Variants in HPSE2 observed in about 807,000 individuals in gnomAD.
HPSE2 encodes heparanase 2 (inactive), also known as inactive heparanase-2.
A neutral mutation model predicts 60.5 loss-of-function variants in HPSE2; 38 were observed. That is an observed-to-expected ratio of 0.63 (90% confidence interval 0.48 to 0.82). The LOEUF (loss-of-function observed/expected upper bound fraction) is 0.82, where lower values mean the gene tolerates loss of function less well. Ranked by LOEUF, HPSE2 falls within the 40% of genes least tolerant of loss-of-function variation. The pLI is 0.00. For synonymous variants in HPSE2, 295 were observed against 293.2 expected (o/e 1.01, Z -0.06); for missense variants, 713 against 740.4 (o/e 0.96, Z 0.43).
chr10:98,906,943 A>T (rs1487313703), intron 3 of HPSE2, among the ~76,000 whole-genome samples: 1 of 152,158 alleles, frequency 6.6e-6, no homozygotes, highest in Non-Finnish European at 1.5e-5. Context: ...CCAACTTAGT[A>T]ATGAAGGGCA....
chr10:98,964,702 T>A (rs1955770174), intron 3 of HPSE2, among the ~76,000 whole-genome samples: 1 of 152,184 alleles, frequency 6.6e-6, no homozygotes, highest in African/African-American at 2.4e-5. Flanking sequence ...TTGATACCTC[T>A]TTTATAGTCA....
intron 5 of HPSE2, among the ~76,000 whole-genome samples, chr10:98,699,317 G>C (rs1430642078): frequency 6.6e-6 from 1 of 150,628 alleles, no homozygotes. Flanking sequence ...TTCATCCCTG[G>C]GATGCAAGGC....
intron 3 of HPSE2, among the ~76,000 whole-genome samples, chr10:99,081,581 A>AGATGATGATGATGATGAT (rs34159388): frequency 6.8e-6 from 1 of 147,306 alleles, no homozygotes; most frequent in Non-Finnish European, 1.5e-5. Flanking sequence ...CTACTACTAA[A>AGATGATGATGATGATGAT]GATGATGATG....
intron 2 of HPSE2, among the ~76,000 whole-genome samples, chr10:99,215,134 A>G (rs12570481): frequency 0.021 from 3,164 of 152,292 alleles, 112 homozygotes; most frequent in East Asian, 0.16. Flanking sequence ...CCTAAACTAT[A>G]AAAACACATG....
intron 10 of HPSE2, among the ~76,000 whole-genome samples, chr10:98,486,116 C>T (rs997473220): frequency 6.6e-6 from 1 of 152,178 alleles, no homozygotes; most frequent in African/African-American, 2.4e-5. Context: ...CTGCCTCAGC[C>T]ATCCCTCTCC....
chr10:98,848,155 C>T (rs925630068), intron 3 of HPSE2, among the ~76,000 whole-genome samples: 9 of 152,126 alleles, frequency 5.9e-5, no homozygotes, highest in African/African-American at 1.4e-4. Context: ...TGGTGGCTCA[C>T]GCCTGTAATC....
At chr10:98,504,365 G>A (rs558890092) in intron 9 of HPSE2, among the ~76,000 whole-genome samples, 1 of 151,856 alleles carries the variant, frequency 6.6e-6, no homozygotes, top group African/African-American at 2.4e-5. Context: ...TCACCTTATT[G>A]TCTGACTCTC....
chr10:99,029,675 A>G (rs1957455898), intron 3 of HPSE2, among the ~76,000 whole-genome samples: 3 of 152,192 alleles, frequency 2.0e-5, no homozygotes, highest in Admixed American at 2.0e-4. Context: ...TACTTTCACT[A>G]ATTTTCTGCT....
intron 3 of HPSE2, among the ~76,000 whole-genome samples, chr10:99,101,955 T>G (rs1371778164): frequency 6.6e-6 from 1 of 152,174 alleles, no homozygotes; most frequent in East Asian, 1.9e-4. Context: ...AGACACAACA[T>G]ACCAGAATCT....
intron 3 of HPSE2, among the ~76,000 whole-genome samples, chr10:99,053,775 C>T (rs1158529256): frequency 8.8e-6 from 1 of 113,428 alleles, no homozygotes; most frequent in Non-Finnish European, 1.6e-5. Context: ...TGTCATCAGG[C>T]TGGAGTGCAG....
chr10:98,585,687 C>T (rs981073050), intron 9 of HPSE2, among the ~76,000 whole-genome samples: 4 of 151,732 alleles, frequency 2.6e-5, no homozygotes, highest in African/African-American at 9.7e-5. Context: ...CGCAGTGGCT[C>T]ACGCCTGTAA....
intron 9 of HPSE2, among the ~76,000 whole-genome samples, chr10:98,517,420 A>G (rs1422551265): frequency 1.3e-5 from 2 of 152,112 alleles, no homozygotes; most frequent in Non-Finnish European, 2.9e-5. Flanking sequence ...CAAATGGAAA[A>G]CACTGGTTCA....
chr10:98,652,543 T>A (rs1241904975), intron 6 of HPSE2, among the ~76,000 whole-genome samples: 2 of 152,196 alleles, frequency 1.3e-5, no homozygotes, highest in Non-Finnish European at 2.9e-5. Context: ...TTTTACCCCC[T>A]GCCCATTCCC....
intron 2 of HPSE2, among the ~76,000 whole-genome samples, chr10:99,178,843 T>C (rs920795013): frequency 1.3e-5 from 2 of 152,174 alleles, no homozygotes; most frequent in African/African-American, 4.8e-5. Flanking sequence ...CCAATATCCC[T>C]GATGAACATC....
At chr10:98,834,571 A>C (rs1951751682) in intron 3 of HPSE2, among the ~76,000 whole-genome samples, 1 of 152,182 alleles carries the variant, frequency 6.6e-6, no homozygotes, top group East Asian at 1.9e-4. Context: ...CCATAAAAAA[A>C]AGAGGAGCAA....
chr10:98,656,617 G>C (rs139853089), intron 6 of HPSE2, among the ~76,000 whole-genome samples: 1 of 152,068 alleles, frequency 6.6e-6, no homozygotes, highest in Non-Finnish European at 1.5e-5. Flanking sequence ...CTTAGTATCA[G>C]GAAAATGATG....
chr10:99,052,872 G>C (rs1958021952), intron 3 of HPSE2, among the ~76,000 whole-genome samples: 2 of 151,910 alleles, frequency 1.3e-5, no homozygotes, highest in South Asian at 4.1e-4. Flanking sequence ...AATGCAGAGA[G>C]GATTTATCTT....
chr10:98,974,292 A>G (rs893699416), intron 3 of HPSE2, among the ~76,000 whole-genome samples: 13 of 150,756 alleles, frequency 8.6e-5, no homozygotes, highest in African/African-American at 2.9e-4. Flanking sequence ...CTGGAAAAAA[A>G]AAAGAAAGAA....
rs35712968 is a variant in HPSE2 at position 98,459,505 on chromosome 10, G to T, written c.*69C>A. 59,491 of 1,511,974 alleles carry T rather than the reference G, an allele frequency of 0.039. 1,428 individuals carry two copies. The highest frequency in any genetic ancestry group is 0.078 in the African/African-American group (5,636 of 72,630). 93.7% of individuals were successfully genotyped at this position (1,511,974 alleles called of 1,614,324 possible). ...GTTGCTAGGATGTCTGAAAACAGAGGATACTACTGGAGTGGAGGAGTGGAA... is the reference window on the plus strand; with the variant it reads ...GTTGCTAGGATGTCTGAAAACAGAGTATACTACTGGAGTGGAGGAGTGGAA... On this transcript the variant is annotated 3_prime_UTR_variant, in exon 12 of 12. Transcript: ENST00000370552.
Sources: allele counts gnomAD v4.1 joint callset (sites outside exome capture counted in the v4.1 genomes callset), GRCh38; gene constraint gnomAD v4.1.1; transcripts MANE v1.5; gene names NCBI Gene and HGNC (gene_info 2026-07-23, HGNC 2026-07-21).